Variants in DENND5A observed in about 807,000 individuals in gnomAD.
DENND5A encodes the protein DENN domain containing 5A, also known as DENN domain-containing protein 5A.
DENND5A carries 64 observed loss-of-function variants against 140.3 expected under a neutral mutation model. The ratio of observed to expected loss-of-function variants is 0.46; its 90% CI spans 0.37 to 0.56. DENND5A has a LOEUF of 0.56. Among genes scored for constraint, DENND5A ranks in the 20% least tolerant of loss-of-function variants. The probability of loss-of-function intolerance (pLI) is 0.00; values close to 1 mark genes in which losing one functional copy is unlikely to be tolerated. For missense variants in DENND5A, 1,292 were observed against 1,593.8 expected (o/e 0.81, Z 3.22); for synonymous variants, 605 against 607.7 (o/e 1.00, Z 0.07).
In DENND5A at chr11:9,164,056, G is replaced by GTTTTTTTTTTTTT. The variant is rs768604681; in HGVS notation, c.2283+1767_2283+1779dup. On this transcript the variant is annotated intron_variant, in intron 11 of 22. Coordinates refer to ENST00000328194, the MANE Select transcript of DENND5A (RefSeq NM_015213.4). ...ATATCAGTACTGATATATTAATCAG[G>GTTTTTTTTTTTTT]TTTTTTTTTTTTTTTTTTTTTTTTT... is the stretch of plus-strand genomic sequence containing the variant. Among the ~76,000 whole-genome samples the GTTTTTTTTTTTTT allele has an allele frequency of 1.6e-4, 9 of 57,978 alleles. 2 individuals are homozygous for GTTTTTTTTTTTTT. The highest frequency in any genetic ancestry group is 5.3e-4 in the Admixed American group (2 of 3,776). The allele number at this position is 57,978 out of a possible 152,430, so 38.0% of individuals were successfully genotyped here.
At chr11:9,196,243 G>A (rs369526570) in intron 4 of DENND5A, among the ~76,000 whole-genome samples, 6 of 151,936 alleles carry the variant, frequency 3.9e-5, no homozygotes, top group South Asian at 2.1e-4. Flanking sequence ...GTGAGCCACC[G>A]TGCCCGGCCC....
rs1039993995 is a variant in DENND5A at position 9,264,290 on chromosome 11, C to T, written c.109+671G>A. Among the ~76,000 whole-genome samples the T allele has an allele frequency of 1.1e-4, 16 of 152,256 alleles. No individual in the cohort carries two copies. The East Asian group carries it at 1.4e-3, about 13-fold the overall frequency. On this transcript the variant is annotated intron_variant, in intron 1 of 22. Transcript: ENST00000328194. The stretch of plus-strand genomic sequence containing the variant: ...ACACCAAGCCTCTCCAACTACAATG[C>T]TGCTACCCTTTTATTCACAAACGCC...
chr11:9,182,595 C>T (rs1434842660), intron 5 of DENND5A, among the ~76,000 whole-genome samples: 1 of 152,140 alleles, frequency 6.6e-6, no homozygotes, highest in African/African-American at 2.4e-5. Context: ...TGAATGAAAT[C>T]CTGTCATTCA....
intron 12 of DENND5A, among the ~76,000 whole-genome samples, chr11:9,154,335 T>TG (rs1847733339): frequency 6.6e-6 from 1 of 152,218 alleles, no homozygotes; most frequent in African/African-American, 2.4e-5. Context: ...GTCTATCTAA[T>TG]GTCAAAACCA....
Position 9,169,495 on chromosome 11 carries a change from G to GCACACACA in DENND5A, c.2151+353_2151+360dup, listed in dbSNP as rs59297086. 5.1e-3 allele frequency among the ~76,000 whole-genome samples: 741 copies of GCACACACA among 145,798 alleles called. 4 individuals are homozygous for GCACACACA. The highest frequency in any genetic ancestry group is 0.014 in the African/African-American group (562 of 39,694). On this transcript the variant is annotated intron_variant, in intron 10 of 22. Coordinates refer to ENST00000328194, the MANE Select transcript of DENND5A (RefSeq NM_015213.4). The stretch of plus-strand genomic sequence containing the variant: ...ATTAACTTTTTTCCTATATACACAC[G>GCACACACA]CACACACACACACACACACACACAC...
Position 9,179,178 on chromosome 11 carries a change from T to A in DENND5A, c.1456-105A>T, listed in dbSNP as rs2136173493. On this transcript the variant is annotated intron_variant, in intron 6 of 22. Coordinates refer to ENST00000328194, the MANE Select transcript of DENND5A (RefSeq NM_015213.4). ...TCTGATTTTTTTTTACAGTGCTAATTTACTTAGCAGGAAATGATGAGAACA... is the reference window on the plus strand; with the variant it reads ...TCTGATTTTTTTTTACAGTGCTAATATACTTAGCAGGAAATGATGAGAACA... 2.9e-5 allele frequency: 28 copies of A among 951,936 alleles called. No individual in the cohort carries two copies. In the South Asian group the frequency reaches 4.1e-4, roughly 14 times the overall value. 59.0% of individuals were successfully genotyped at this position (951,936 alleles called of 1,614,324 possible).
chr11:9,194,650 G>C (rs1193289304), intron 4 of DENND5A, among the ~76,000 whole-genome samples: 1 of 151,774 alleles, frequency 6.6e-6, no homozygotes, highest in Non-Finnish European at 1.5e-5. Flanking sequence ...TTATAGGTCA[G>C]AGATCATAGC....
At chr11:9,194,019 C>T (rs1849231920) in intron 4 of DENND5A, among the ~76,000 whole-genome samples, 1 of 152,174 alleles carries the variant, frequency 6.6e-6, no homozygotes, top group Non-Finnish European at 1.5e-5. Context: ...GGTAGGAGAA[C>T]TGAACAAAAA....
intron 6 of DENND5A, 37 bp from the exon 7 acceptor site, chr11:9,179,110 C>T: frequency 8.3e-6 from 13 of 1,574,990 alleles, no homozygotes; most frequent in Non-Finnish European, 1.1e-5. Flanking sequence ...AACACATACA[C>T]TTTTTCCTTT....
intron 11 of DENND5A, 32 bp downstream of exon 11, chr11:9,165,804 A>G: frequency 6.2e-7 from 1 of 1,612,196 alleles, no homozygotes; most frequent in Non-Finnish European, 8.5e-7. Flanking sequence ...GCTAACAGAA[A>G]TAGCACACAT....
Position 9,195,212 on chromosome 11 carries a change from C to T in DENND5A, c.950-1531G>A, listed in dbSNP as rs531032509. On this transcript the variant is annotated intron_variant, in intron 4 of 22. Coordinates refer to ENST00000328194, the MANE Select transcript of DENND5A (RefSeq NM_015213.4). ...TCTCCTGCCTCAGCCTCCTGAGTAGCTGGGATTACAGGCATGCGCCACCAC... is the reference window on the plus strand; with the variant it reads ...TCTCCTGCCTCAGCCTCCTGAGTAGTTGGGATTACAGGCATGCGCCACCAC... Among the ~76,000 whole-genome samples the T allele has an allele frequency of 4.0e-4, 60 of 151,886 alleles. 1 individual carries two copies. Among genetic ancestry groups the T allele is most frequent in the Middle Eastern group, 6.8e-3 (2 of 294 alleles).
At chr11:9,235,650 T>A (rs1190841817) in intron 1 of DENND5A, among the ~76,000 whole-genome samples, 2 of 145,434 alleles carry the variant, frequency 1.4e-5, no homozygotes, top group African/African-American at 2.6e-5. Flanking sequence ...AGAGCAAGAC[T>A]CTGTCTCAAA....
At chr11:9,236,633 G>A (rs1337678889) in intron 1 of DENND5A, among the ~76,000 whole-genome samples, 1 of 152,080 alleles carries the variant, frequency 6.6e-6, no homozygotes, top group Non-Finnish European at 1.5e-5. Context: ...TGTAATCTCA[G>A]CTACTCGGGA....
rs1487176385 is a variant in DENND5A, at chr11:9,265,189, C to G, written c.-120G>C. 2.3e-6 allele frequency: 1 copy of G among 426,100 alleles called. No homozygotes were observed. Among genetic ancestry groups the G allele is most frequent in the Non-Finnish European group, 3.2e-6 (1 of 316,698 alleles). 26.4% of individuals were successfully genotyped at this position (426,100 alleles called of 1,614,324 possible). A position where few individuals can be genotyped will look rare whatever the true frequency, so the allele number is the denominator to read the frequency against. On this transcript the variant is annotated 5_prime_UTR_variant, in exon 1 of 23. Transcript: ENST00000328194. This position sits in a 1 kb window ranked among gnomAD's most constrained non-coding sequence, Gnocchi z 4.7. Reference sequence around the variant, plus strand: ...CCGCCGCCGCTACCGCGGCTCGGGCCGCCGCCCCCGGCCCTGGCCCGGTCC... The same window carrying G: ...CCGCCGCCGCTACCGCGGCTCGGGCGGCCGCCCCCGGCCCTGGCCCGGTCC...
chr11:9,186,180 T>C (rs1166900401), intron 5 of DENND5A, among the ~76,000 whole-genome samples: 1 of 152,216 alleles, frequency 6.6e-6, no homozygotes, highest in Admixed American at 6.6e-5. Flanking sequence ...TAAGAATCAC[T>C]TTAAATTTCA....
intron 19 of DENND5A, 28 bp downstream of exon 19, chr11:9,144,069 T>G (rs1238260149): frequency 1.5e-5 from 24 of 1,604,344 alleles, no homozygotes; most frequent in Non-Finnish European, 1.8e-5. Flanking sequence ...CTGTATGGCA[T>G]GAGGGCCCAA....
intron 4 of DENND5A, among the ~76,000 whole-genome samples, chr11:9,194,316 G>A (rs186324287): frequency 2.0e-5 from 3 of 152,320 alleles, no homozygotes; most frequent in Admixed American, 6.5e-5. Flanking sequence ...TGTAATGCCA[G>A]CACTTTGGGA....
chr11:9,220,533 G>A (rs938691050), intron 1 of DENND5A, among the ~76,000 whole-genome samples: 1 of 151,664 alleles, frequency 6.6e-6, no homozygotes, highest in Non-Finnish European at 1.5e-5. Context: ...GGCAACAAGA[G>A]CGAAACTCTG....
At chr11:9,197,627 A>T (rs1849377079) in intron 4 of DENND5A, among the ~76,000 whole-genome samples, 1 of 151,968 alleles carries the variant, frequency 6.6e-6, no homozygotes, top group Non-Finnish European at 1.5e-5. Flanking sequence ...CCCAGGAGGT[A>T]GAAGCTATAG....
Sources: gnomAD v4.1 joint callset for allele counts (sites outside exome capture counted in the v4.1 genomes callset) on GRCh38, gnomAD v4.1.1 for gene constraint, Gnocchi (gnomAD v3.1) non-coding constraint, MANE v1.5 for transcripts, NCBI Gene and HGNC (gene_info 2026-07-23, HGNC 2026-07-21) for gene names.